ATR: variants seen among roughly 807,000 people sequenced by gnomAD.
ATR encodes the protein serine/threonine-protein kinase ATR.
In ATR, 142 loss-of-function variants were observed where a neutral mutation model predicts 305.3. The observed-to-expected ratio is 0.47, with a 90% CI of 0.41 to 0.53. The LOEUF (loss-of-function observed/expected upper bound fraction) is 0.53. ATR is among the 20% of genes least tolerant of loss of function. The pLI, the probability that ATR is intolerant of heterozygous loss-of-function variation, is 0.00. For synonymous variants in ATR, 1,050 were observed against 1,068.1 expected (o/e 0.98, Z 0.33); for missense variants, 2,135 against 3,133.1 (o/e 0.68, Z 7.60).
rs551392262 is a variant in ATR, at chr3:142,520,292, A to G, written c.4267-508T>C. ...AAGAATATTGAAATTAGGCCAATTA[A>G]TGACCCTACAGTGGCCTCTAAGTAT... On this transcript the variant is annotated intron_variant, in intron 23 of 46. Coordinates refer to ENST00000350721, the MANE Select transcript of ATR (RefSeq NM_001184.4). 5.3e-5 allele frequency among the ~76,000 whole-genome samples: 8 copies of G among 152,222 alleles called. No homozygotes were observed. In the East Asian group the frequency reaches 1.5e-3, roughly 29 times the overall value.
Position 142,566,236 on chromosome 3 carries a change from A to G in ATR, c.177T>C (p.Thr59=), listed in dbSNP as rs781380334. 8.1e-6 allele frequency: 13 copies of G among 1,613,910 alleles called. No individual in the cohort carries two copies. The East Asian group carries it at 2.9e-4, about 36-fold the overall frequency. Residue 59 remains threonine, a synonymous_variant, in exon 3 of 47, where the codon ACT becomes ACC. Transcript: ENST00000350721. ...NVVAVELVKK[T]DSQPTSVMLL... ...ACATCACGGAGGTTGGCTGAGAGTC[A>G]GTTTTCTTTACAAGTTCTACAGCAA...
At chr3:142,556,188 G>A (rs2034666661) in intron 9 of ATR, 49 bp from the exon 10 acceptor site, 6 of 1,593,020 alleles carry the variant, frequency 3.8e-6, no homozygotes, top group African/African-American at 1.4e-5. Context: ...TAATTTTGTG[G>A]TCTAAATAGT....
Position 142,553,470 on chromosome 3 carries a change from ATG to A in ATR, c.2634-74_2634-73del, listed in dbSNP as rs1380586752. 6.2e-5 allele frequency: 94 copies of A among 1,514,970 alleles called. No homozygotes were observed. In the African/African-American group the frequency reaches 1.1e-3, roughly 17 times the overall value. The allele number at this position is 1,514,970 out of a possible 1,614,324, so 93.8% of individuals were successfully genotyped here. A position where few individuals can be genotyped will look rare whatever the true frequency, so the allele number is the denominator to read the frequency against. On this transcript the variant is annotated intron_variant, in intron 12 of 46. Coordinates refer to ENST00000350721, the MANE Select transcript of ATR (RefSeq NM_001184.4). ...CACACACACACACATACACACACAT[ATG>A]TATCTCCAATATCCCAGAAACAAAC...
intron 19 of ATR, among the ~76,000 whole-genome samples, chr3:142,536,790 A>C (rs780178602): frequency 2.0e-4 from 30 of 152,198 alleles, no homozygotes; most frequent in Non-Finnish European, 3.8e-4. Context: ...TGAGCAAATA[A>C]AAATGCTCAT....
chr3:142,566,940 C>G (rs1472785221), intron 2 of ATR, among the ~76,000 whole-genome samples: 1 of 152,034 alleles, frequency 6.6e-6, no homozygotes, highest in Non-Finnish European at 1.5e-5. Context: ...GACAGGGTTT[C>G]GTCATGTTGG....
intron 27 of ATR, among the ~76,000 whole-genome samples, chr3:142,512,006 T>C (rs913133451): frequency 6.6e-6 from 1 of 151,750 alleles, no homozygotes; most frequent in Non-Finnish European, 1.5e-5. Context: ...TAATCCCAAC[T>C]ACTTGGGAGG....
chr3:142,557,222 C>G (rs554704925), intron 8 of ATR, among the ~76,000 whole-genome samples: 1 of 151,940 alleles, frequency 6.6e-6, no homozygotes, highest in East Asian at 1.9e-4. Context: ...CCATTTCTAA[C>G]AAGTCCCTAA....
At chr3:142,474,013 G>A (rs373169621) in intron 36 of ATR, among the ~76,000 whole-genome samples, 46 of 141,748 alleles carry the variant, frequency 3.2e-4, no homozygotes, top group African/African-American at 1.2e-3. Flanking sequence ...TGTAACCTCC[G>A]CCTCCTGGGT....
In ATR at chr3:142,559,385, G is replaced by A. The variant is rs2108480245; in HGVS notation, c.1598C>T (p.Thr533Ile). Residue 533 changes from threonine to isoleucine, a missense_variant, in exon 7 of 47, where the codon ACT (threonine) becomes ATT (isoleucine). Transcript: ENST00000350721. ...TGTGTAAAAATCCAATGACATCCAA[G>A]TTATCACTACAGAAGGTTTCTTCTT... The part of the protein sequence containing the change: ...KSKKKPSVVI[T>I]WMSLDFYTKV... 3 of 1,613,878 alleles carry A rather than the reference G, an allele frequency of 1.9e-6. No homozygotes were observed. Among genetic ancestry groups the A allele is most frequent in the Non-Finnish European group, 1.7e-6 (2 of 1,179,890 alleles).
intron 39 of ATR, among the ~76,000 whole-genome samples, chr3:142,467,580 AT>A (rs2071159874): frequency 6.6e-6 from 1 of 152,116 alleles, no homozygotes; most frequent in South Asian, 2.1e-4. Flanking sequence ...ATATGATATA[AT>A]CATAGACTAC....
chr3:142,501,993 C>T (rs752616373), intron 30 of ATR, among the ~76,000 whole-genome samples: 1 of 152,134 alleles, frequency 6.6e-6, no homozygotes, highest in African/African-American at 2.4e-5. Context: ...ATGATACACC[C>T]GCCTTGGCCT....
intron 42 of ATR, among the ~76,000 whole-genome samples, chr3:142,461,077 G>C (rs2071014490): frequency 6.6e-6 from 1 of 151,956 alleles, no homozygotes; most frequent in South Asian, 2.1e-4. Context: ...CATCAAATCT[G>C]GGAATTCATT....
intron 21 of ATR, among the ~76,000 whole-genome samples, chr3:142,532,560 A>G (rs181554012): frequency 6.6e-6 from 1 of 152,312 alleles, no homozygotes; most frequent in East Asian, 1.9e-4. Context: ...CTTCAATGTC[A>G]ATGACTGTCT....
intron 34 of ATR, among the ~76,000 whole-genome samples, chr3:142,494,584 ATCT>A (rs1042627488): frequency 1.7e-4 from 26 of 152,310 alleles, no homozygotes; most frequent in African/African-American, 6.0e-4. Flanking sequence ...ATGAGTAGAA[ATCT>A]TCTTGGCAGA....
Position 142,550,321 on chromosome 3 carries a change from T to C in ATR, c.2806-19A>G, listed in dbSNP as rs190008894. On this transcript the variant is annotated intron_variant, in intron 13 of 46. Transcript: ENST00000350721. ...CCAAAAACTAGAGCAAAAACCATTT[T>C]ATTGTGAGTTTTCACACAAAGAAGA... 9.9e-6 allele frequency: 16 copies of C among 1,612,348 alleles called. No homozygotes were observed. The East Asian group carries it at 1.8e-4, about 18-fold the overall frequency.
At chr3:142,475,267 G>C (rs1264279781) in intron 36 of ATR, among the ~76,000 whole-genome samples, 3 of 151,636 alleles carry the variant, frequency 2.0e-5, no homozygotes, top group African/African-American at 7.3e-5. Context: ...CCCCACAACA[G>C]GCCCCAGTGT....
intron 40 of ATR, chr3:142,465,734 A>G (rs573188395): frequency 3.1e-5 from 5 of 161,666 alleles, no homozygotes; most frequent in South Asian, 1.7e-4. Context: ...GACTGGGTAC[A>G]GTGGCTCATG....
intron 42 of ATR, among the ~76,000 whole-genome samples, chr3:142,459,639 T>C (rs1042814203): frequency 1.3e-5 from 2 of 152,138 alleles, no homozygotes; most frequent in African/African-American, 4.8e-5. Flanking sequence ...CACTTACATG[T>C]GATTTTTTTC....
At chr3:142,552,282 T>C (rs929892663) in intron 13 of ATR, among the ~76,000 whole-genome samples, 2 of 152,074 alleles carry the variant, frequency 1.3e-5, no homozygotes, top group African/African-American at 2.4e-5. Flanking sequence ...GCAATCCCAC[T>C]ACTGGGTATA....
Sources: allele counts gnomAD v4.1 joint callset (sites outside exome capture counted in the v4.1 genomes callset), GRCh38; gene constraint gnomAD v4.1.1; transcripts MANE v1.5; gene names NCBI Gene and HGNC (gene_info 2026-07-23, HGNC 2026-07-21).